MAN2A1: variants seen among roughly 807,000 people sequenced by gnomAD.
MAN2A1 encodes the protein alpha-mannosidase 2.
MAN2A1 carries 76 observed loss-of-function variants against 142.6 expected under a neutral mutation model. The ratio of observed to expected loss-of-function variants is 0.53; its 90% CI spans 0.44 to 0.65. The LOEUF (loss-of-function observed/expected upper bound fraction) is 0.65. MAN2A1 is among the 30% of genes least tolerant of loss of function. The pLI is 0.00. For synonymous variants in MAN2A1, 559 were observed against 473.2 expected, an observed-to-expected ratio of 1.18 and a Z score of -2.35; for missense variants, 1,311 against 1,365.1, an observed-to-expected ratio of 0.96 and a Z score of 0.62.
intron 4 of MAN2A1, among the ~76,000 whole-genome samples, chr5:109,744,376 G>A (rs561505970): frequency 7.9e-5 from 12 of 152,064 alleles, no homozygotes; most frequent in Non-Finnish European, 1.6e-4. Context: ...GGTGTCAGAG[G>A]GCAGAGAAGG....
chr5:109,836,902 T>G (rs1755070884), intron 16 of MAN2A1, among the ~76,000 whole-genome samples: 2 of 152,024 alleles, frequency 1.3e-5, no homozygotes, highest in Admixed American at 1.3e-4. Context: ...GTATTGTGTT[T>G]GTGTCGATTT....
In MAN2A1 at chr5:109,728,234, C is replaced by T. The variant is rs139778403; in HGVS notation, c.536-1108C>T. On this transcript the variant is annotated intron_variant, in intron 3 of 21. Transcript: ENST00000261483. The stretch of plus-strand genomic sequence containing the variant: ...GTCAGAATAGTTTTGTCTTCTCTGC[C>T]CTGGCAGGCTTTTATTTTTTATTTA... Among the ~76,000 whole-genome samples the T allele has an allele frequency of 3.9e-5, 6 of 152,180 alleles. No homozygotes were observed. The East Asian group carries it at 7.7e-4, about 20-fold the overall frequency.
At chr5:109,806,624 A>G (rs1026038459) in intron 12 of MAN2A1, among the ~76,000 whole-genome samples, 1 of 152,220 alleles carries the variant, frequency 6.6e-6, no homozygotes, top group Non-Finnish European at 1.5e-5. Context: ...TAATAATATC[A>G]TACTTTCCTT....
intron 12 of MAN2A1, among the ~76,000 whole-genome samples, chr5:109,797,836 C>T (rs1418735353): frequency 6.6e-6 from 1 of 152,104 alleles, no homozygotes; most frequent in Admixed American, 6.5e-5. Flanking sequence ...AGAACAAACG[C>T]TAGACTGACT....
chr5:109,757,024 T>G (rs1012762118), intron 5 of MAN2A1, among the ~76,000 whole-genome samples: 1 of 152,194 alleles, frequency 6.6e-6, no homozygotes, highest in Admixed American at 6.5e-5. Context: ...ACACATCCTG[T>G]ATGACTCCAT....
At chr5:109,811,623 T>C (rs141457477) in intron 12 of MAN2A1, among the ~76,000 whole-genome samples, 1 of 151,836 alleles carries the variant, frequency 6.6e-6, no homozygotes, top group African/African-American at 2.4e-5. Flanking sequence ...TCTGTGTGTC[T>C]GCATGCATAC....
chr5:109,704,368 G>T (rs115561476), intron 1 of MAN2A1, among the ~76,000 whole-genome samples: 1 of 152,316 alleles, frequency 6.6e-6, no homozygotes, highest in Non-Finnish European at 1.5e-5. Context: ...CACATCGTGA[G>T]GGCATTTATT....
chr5:109,787,029 A>G (rs1753613038), intron 10 of MAN2A1, among the ~76,000 whole-genome samples: 1 of 152,046 alleles, frequency 6.6e-6, no homozygotes. Context: ...ACTGGAAAGC[A>G]AGAATACATC....
intron 14 of MAN2A1, 101 bp downstream of exon 14, chr5:109,819,988 C>G (rs2112725357): frequency 1.1e-6 from 1 of 910,228 alleles, no homozygotes; most frequent in Non-Finnish European, 1.7e-6. Context: ...TTAAGTAGAG[C>G]TGTATCAAAT....
chr5:109,829,592 A>C (rs544578888), intron 16 of MAN2A1, among the ~76,000 whole-genome samples: 1 of 152,104 alleles, frequency 6.6e-6, no homozygotes, highest in Non-Finnish European at 1.5e-5. Flanking sequence ...TTTTGATTGT[A>C]CTTTGTCTTC....
rs956992107 is a variant in MAN2A1, at chr5:109,796,414, C to T, written c.1943+6887C>T. On this transcript the variant is annotated intron_variant, in intron 12 of 21. Coordinates refer to ENST00000261483, the MANE Select transcript of MAN2A1 (RefSeq NM_002372.4). The stretch of plus-strand genomic sequence containing the variant: ...AGTAAAATATTAAGAATAACACATA[C>T]ATATCATAATGATCTTCTACTTTAA... Among the ~76,000 whole-genome samples the T allele has an allele frequency of 3.3e-5, 5 of 152,154 alleles. No individual in the cohort carries two copies. The East Asian group carries it at 7.7e-4, about 23-fold the overall frequency.
chr5:109,732,815 C>G (rs2112589641), intron 4 of MAN2A1, among the ~76,000 whole-genome samples: 2 of 151,724 alleles, frequency 1.3e-5, no homozygotes, highest in South Asian at 4.2e-4. Context: ...CAGCTTTGTT[C>G]TTTTGGCTTA....
At chr5:109,780,089 G>T (rs140597035) in intron 8 of MAN2A1, among the ~76,000 whole-genome samples, 2 of 151,896 alleles carry the variant, frequency 1.3e-5, no homozygotes, top group African/African-American at 4.8e-5. Context: ...ATGGAGTCTC[G>T]CTCTGTCACC....
chr5:109,801,191 A>T (rs951256581), intron 12 of MAN2A1, among the ~76,000 whole-genome samples: 1 of 152,170 alleles, frequency 6.6e-6, no homozygotes, highest in African/African-American at 2.4e-5. Flanking sequence ...GTGCCGTCAA[A>T]AGTCCAGGCT....
intron 19 of MAN2A1, 129 bp from the exon 20 acceptor site, chr5:109,855,009 CTG>C: frequency 2.2e-6 from 1 of 465,018 alleles, no homozygotes; most frequent in Non-Finnish European, 3.7e-6. Context: ...TTTTCTAAGA[CTG>C]TTATTTATAA....
At chr5:109,774,752 A>G in intron 7 of MAN2A1, 36 bp from the exon 8 acceptor site, 2 of 1,528,038 alleles carry the variant, frequency 1.3e-6, no homozygotes, top group Non-Finnish European at 8.9e-7. Context: ...AGTCAAATTC[A>G]TATTTGCTGT....
intron 1 of MAN2A1, among the ~76,000 whole-genome samples, chr5:109,693,595 C>CG (rs1561462839): frequency 6.6e-6 from 1 of 151,538 alleles, no homozygotes; most frequent in Non-Finnish European, 1.5e-5. Flanking sequence ...TTTTGGAGAG[C>CG]GGGGGTTTGT....
intron 12 of MAN2A1, among the ~76,000 whole-genome samples, chr5:109,812,461 A>C (rs768734439): frequency 6.6e-6 from 1 of 152,156 alleles, no homozygotes; most frequent in African/African-American, 2.4e-5. Flanking sequence ...TCAAATCTAG[A>C]TATTGCAACT....
intron 4 of MAN2A1, among the ~76,000 whole-genome samples, chr5:109,755,033 G>T (rs1752651925): frequency 6.6e-6 from 1 of 152,042 alleles, no homozygotes; most frequent in African/African-American, 2.4e-5. Context: ...AACCAGATGT[G>T]GCTTTTGACA....
Sources: allele counts gnomAD v4.1 joint callset (sites outside exome capture counted in the v4.1 genomes callset), GRCh38; gene constraint gnomAD v4.1.1; transcripts MANE v1.5; gene names NCBI Gene and HGNC (gene_info 2026-07-23, HGNC 2026-07-21).